NRDE2: variants seen among roughly 807,000 people sequenced by gnomAD.
The protein encoded by NRDE2 is nuclear exosome regulator NRDE2.
In NRDE2, 76 loss-of-function variants were observed where a neutral mutation model predicts 124.2. The observed-to-expected ratio is 0.61, with a 90% CI of 0.51 to 0.74. The LOEUF (loss-of-function observed/expected upper bound fraction) is 0.74. NRDE2 is among the 30% of genes least tolerant of loss of function. NRDE2 has a pLI of 0.00. For synonymous variants in NRDE2, 489 were observed against 528.1 expected, an observed-to-expected ratio of 0.93 and a Z score of 1.01; for missense variants, 1,314 against 1,417.3, an observed-to-expected ratio of 0.93 and a Z score of 1.17.
At position 90,288,426 on chromosome 14, in the gene NRDE2, C is replaced by G; in HGVS notation, c.2949G>C (p.Leu983=). Residue 983 remains leucine (L), a synonymous_variant, in exon 11 of 14, where the codon CTG becomes CTC. Coordinates refer to ENST00000354366, the MANE Select transcript of NRDE2 (RefSeq NM_017970.4). ...MKVSVYPLAP[L]REALSQALKL... ...TTAAAGCCTGTGAGAGTGCCTCTCG[C>G]AGAGGGGCCAGCGGGTAAACACTCA... 1 of 1,614,142 alleles carries G rather than the reference C, an allele frequency of 6.2e-7. No individual in the cohort carries two copies. Among genetic ancestry groups the G allele is most frequent in the South Asian group, 1.1e-5 (1 of 91,090 alleles).
chr14:90,310,723 T>G (rs975174877), intron 4 of NRDE2, among the ~76,000 whole-genome samples: 1 of 152,108 alleles, frequency 6.6e-6, no homozygotes, highest in African/African-American at 2.4e-5. Flanking sequence ...TTTCACCACG[T>G]TGGCCAGGCT....
Position 90,279,080 on chromosome 14 carries a change from C to T in NRDE2, c.3351G>A (p.Gln1117=), listed in dbSNP as rs770693285. The T allele has an allele frequency of 6.2e-7, 1 of 1,612,876 alleles. No individual in the cohort carries two copies. Among genetic ancestry groups the T allele is most frequent in the Non-Finnish European group, 8.5e-7 (1 of 1,178,742 alleles). The part of the protein sequence containing the change: ...RSKGVFYKAL[Q]NCPWAKVLYL... ...CACTTACCTTTGCCCAAGGGCAATT[C>T]TGAAGTGCTTTGTAGAATACACCTT... Residue 1117 remains glutamine, a synonymous_variant, in exon 13 of 14, where the codon CAG becomes CAA. Transcript: ENST00000354366.
rs762354424 is a variant in NRDE2, at chr14:90,316,853, T to C, written c.174-42A>G. On this transcript the variant is annotated intron_variant, in intron 2 of 13. Coordinates refer to ENST00000354366, the MANE Select transcript of NRDE2 (RefSeq NM_017970.4). Reference sequence around the variant, plus strand: ...ACTTTAAAATTACTTTCTAAAAAGATGTAGGAAAAATAATACTATGTAAAT... The same window carrying C: ...ACTTTAAAATTACTTTCTAAAAAGACGTAGGAAAAATAATACTATGTAAAT... The C allele has an allele frequency of 5.3e-6, 7 of 1,317,258 alleles. No individual in the cohort carries two copies. The East Asian group carries it at 9.2e-5, about 17-fold the overall frequency. The allele number at this position is 1,317,258 out of a possible 1,614,324, so 81.6% of individuals were successfully genotyped here. A position where few individuals can be genotyped will look rare whatever the true frequency, so the allele number is the denominator to read the frequency against.
rs954659527 is a variant in NRDE2, at chr14:90,276,260, C to T, written c.*2076G>A. On this transcript the variant is annotated 3_prime_UTR_variant, in exon 14 of 14. Coordinates refer to ENST00000354366, the MANE Select transcript of NRDE2 (RefSeq NM_017970.4). ...TCGAGACGGAGTCTTGCTGTGTCGC[C>T]CAGGCTGGAGTGCAGTGGCGCGATC... is the stretch of plus-strand genomic sequence containing the variant. The T allele has an allele frequency of 3.5e-5, 5 of 142,522 alleles. No homozygotes were observed. The highest frequency in any genetic ancestry group is 7.8e-5 in the African/African-American group (3 of 38,654). 8.8% of individuals were successfully genotyped at this position (142,522 alleles called of 1,614,324 possible).
intron 3 of NRDE2, among the ~76,000 whole-genome samples, chr14:90,313,019 T>G (rs1329401373): frequency 1.3e-5 from 2 of 152,104 alleles, no homozygotes; most frequent in Non-Finnish European, 2.9e-5. Context: ...CTAACTTACT[T>G]GAAAGTGCCT....
In NRDE2 at chr14:90,277,020, G is replaced by C. The variant is rs562685791; in HGVS notation, c.*1316C>G. On this transcript the variant is annotated 3_prime_UTR_variant, in exon 14 of 14. Coordinates refer to ENST00000354366, the MANE Select transcript of NRDE2 (RefSeq NM_017970.4). ...GGGGGAGCAAGTCCACCTCGGAGTG[G>C]AGCTCTCAACTTCCTCAAGTTGAGG... 1.2e-4 allele frequency: 19 copies of C among 152,284 alleles called. 1 individual carries two copies. Among genetic ancestry groups the C allele is most frequent in the African/African-American group, 3.6e-4 (15 of 41,552 alleles). The allele number at this position is 152,284 out of a possible 1,614,324, so 9.4% of individuals were successfully genotyped here.
intron 4 of NRDE2, among the ~76,000 whole-genome samples, chr14:90,308,787 C>G (rs985677909): frequency 6.6e-6 from 1 of 152,222 alleles, no homozygotes; most frequent in Non-Finnish European, 1.5e-5. Context: ...ACCCACAGCT[C>G]GCAAGTCACA....
chr14:90,299,087 C>G (rs1234446018), intron 7 of NRDE2, among the ~76,000 whole-genome samples: 1 of 152,070 alleles, frequency 6.6e-6, no homozygotes, highest in African/African-American at 2.4e-5. Context: ...CTCTTGTTGC[C>G]CAGGCTGGAG....
At chr14:90,295,966 T>G (rs1944753874) in intron 8 of NRDE2, among the ~76,000 whole-genome samples, 1 of 152,240 alleles carries the variant, frequency 6.6e-6, no homozygotes, top group African/African-American at 2.4e-5. Context: ...GTTTTGATAT[T>G]CATTTGCATT....
At position 90,273,132 on chromosome 14, in the gene NRDE2, T is replaced by C. The variant is rs1176909112; in HGVS notation, c.*5204A>G. ...TCTGAACAAATCAGGCCTAAAGCTA[T>C]TAAGTGGGACAGATCAAGGTAAGCG... On this transcript the variant is annotated 3_prime_UTR_variant, in exon 14 of 14. Coordinates refer to ENST00000354366, the MANE Select transcript of NRDE2 (RefSeq NM_017970.4). 1 of 152,182 alleles carries C rather than the reference T, an allele frequency of 6.6e-6. No individual in the cohort carries two copies. The highest frequency in any genetic ancestry group is 6.5e-5 in the Admixed American group (1 of 15,278). 9.4% of individuals were successfully genotyped at this position (152,182 alleles called of 1,614,324 possible).
intron 1 of NRDE2, among the ~76,000 whole-genome samples, chr14:90,320,007 C>T (rs1314128357): frequency 6.6e-6 from 1 of 152,166 alleles, no homozygotes; most frequent in African/African-American, 2.4e-5. Context: ...TTATTATAGT[C>T]ACCCTAGTGG....
intron 1 of NRDE2, among the ~76,000 whole-genome samples, chr14:90,323,274 T>A (rs1885306164): frequency 6.6e-6 from 1 of 152,250 alleles, no homozygotes; most frequent in Non-Finnish European, 1.5e-5. Flanking sequence ...TATGTAACCC[T>A]ATTTCTCTAC....
Position 90,268,295 on chromosome 14 carries a change from C to T in NRDE2, c.*10041G>A, listed in dbSNP as rs1891570821. 1 of 1,611,206 alleles carries T rather than the reference C, an allele frequency of 6.2e-7. No homozygotes were observed. The highest frequency in any genetic ancestry group is 8.5e-7 in the Non-Finnish European group (1 of 1,177,742). ...TTTCTTGAGAGTGGTTGGCTCTGAA[C>T]TTATTCAGAAGTACCTAGGTGATGG... On this transcript the variant is annotated 3_prime_UTR_variant, in exon 14 of 14. Transcript: ENST00000354366.
intron 1 of NRDE2, among the ~76,000 whole-genome samples, chr14:90,319,211 T>A (rs1383058496): frequency 6.6e-6 from 1 of 152,192 alleles, no homozygotes; most frequent in African/African-American, 2.4e-5. Flanking sequence ...TTGTATTTTG[T>A]CCTGTTTTGT....
At position 90,269,385 on chromosome 14, in the gene NRDE2, T is replaced by TG. The variant is rs776761950; in HGVS notation, c.*8950_*8951insC. 3 of 1,596,546 alleles carry TG rather than the reference T, an allele frequency of 1.9e-6. No individual in the cohort carries two copies. Among genetic ancestry groups the TG allele is most frequent in the Admixed American group, 3.5e-5 (2 of 57,454 alleles). On this transcript the variant is annotated 3_prime_UTR_variant, in exon 14 of 14. Transcript: ENST00000354366. ...TTGAGTCTTCATTCCTTCCCTTTTT[T>TG]TTTTTCCAAAGATATGACTCCAATT...
At chr14:90,306,682 C>T (rs1433313518) in intron 4 of NRDE2, among the ~76,000 whole-genome samples, 1 of 151,892 alleles carries the variant, frequency 6.6e-6, no homozygotes, top group Non-Finnish European at 1.5e-5. Flanking sequence ...TGGTGGCACA[C>T]GACTGTAATC....
chr14:90,269,764 T>G lies in NRDE2; in HGVS notation c.*8572A>C. The G allele has an allele frequency of 4.4e-6, 2 of 457,318 alleles. No homozygotes were observed. Among genetic ancestry groups the G allele is most frequent in the Non-Finnish European group, 7.6e-6 (2 of 264,574 alleles). The allele number at this position is 457,318 out of a possible 1,614,324, so 28.3% of individuals were successfully genotyped here. A position where few individuals can be genotyped will look rare whatever the true frequency, so the allele number is the denominator to read the frequency against. ...GCCCTTTGAATTCCAGTCTTATGTCTTGTCTTTTCTTTTCCATAACATTCC... is the reference window on the plus strand; with the variant it reads ...GCCCTTTGAATTCCAGTCTTATGTCGTGTCTTTTCTTTTCCATAACATTCC... On this transcript the variant is annotated 3_prime_UTR_variant, in exon 14 of 14. Coordinates refer to ENST00000354366, the MANE Select transcript of NRDE2 (RefSeq NM_017970.4).
At chr14:90,317,464 A>G (rs2139707276) in intron 2 of NRDE2, among the ~76,000 whole-genome samples, 1 of 152,222 alleles carries the variant, frequency 6.6e-6, no homozygotes, top group African/African-American at 2.4e-5. Flanking sequence ...TCAATTTCCA[A>G]AGGCTTCTTA....
At chr14:90,317,283 A>G (rs908647147) in intron 2 of NRDE2, among the ~76,000 whole-genome samples, 3 of 152,200 alleles carry the variant, frequency 2.0e-5, no homozygotes, top group African/African-American at 7.2e-5. Flanking sequence ...TTCAAAAAAA[A>G]TCATTATAAA....
Sources: allele counts gnomAD v4.1 joint callset (sites outside exome capture counted in the v4.1 genomes callset), GRCh38; gene constraint gnomAD v4.1.1; transcripts MANE v1.5; gene names NCBI Gene and HGNC (gene_info 2026-07-23, HGNC 2026-07-21).